The following MPP7 variants were observed in gnomAD, a reference collection of about 807,000 sequenced individuals.
MPP7 encodes MAGUK p55 scaffold protein 7.
In MPP7, 60 loss-of-function variants were observed where a neutral mutation model predicts 76.5. The observed-to-expected ratio is 0.78, with a 90% CI of 0.64 to 0.97. The LOEUF (loss-of-function observed/expected upper bound fraction) is 0.97. Among genes scored for constraint, MPP7 ranks in the 50% least tolerant of loss-of-function variants. The pLI, the probability that MPP7 is intolerant of heterozygous loss-of-function variation, is 0.00. For missense variants in MPP7, 641 were observed against 694.0 expected, an observed-to-expected ratio of 0.92 and a Z score of 0.86; for synonymous variants, 237 against 244.5, an observed-to-expected ratio of 0.97 and a Z score of 0.29.
rs770824217 is a variant in MPP7, at chr10:28,051,494, T to C, written c.*2571A>G. ...AATAATAGGAGTACAGAATTTACTT[T>C]TTGGTCTTGATTTTTAAATATATGA... On this transcript the variant is annotated 3_prime_UTR_variant, in exon 17 of 17. Transcript: ENST00000683449. 4 of 152,164 alleles carry C rather than the reference T, an allele frequency of 2.6e-5. No individual in the cohort carries two copies. The highest frequency in any genetic ancestry group is 4.4e-5 in the Non-Finnish European group (3 of 68,034). The allele number at this position is 152,164 out of a possible 1,614,324, so 9.4% of individuals were successfully genotyped here.
Position 28,315,014 on chromosome 10 carries a change from G to C in MPP7, c.-132+14915C>G, listed in dbSNP as rs190993987. On this transcript the variant is annotated intron_variant, in intron 2 of 11. Coordinates refer to the MPP7 transcript ENST00000441595. Reference sequence around the variant, plus strand: ...AATATAAAAATTAGCCAGGTGTGGTGGTACACACCTGTAGAACCAGCTACC... The same window carrying C: ...AATATAAAAATTAGCCAGGTGTGGTCGTACACACCTGTAGAACCAGCTACC... Among the ~76,000 whole-genome samples, 1,255 of 151,944 alleles carry C rather than the reference G, an allele frequency of 8.3e-3. 18 individuals carry two copies. Among genetic ancestry groups the C allele is most frequent in the African/African-American group, 0.029 (1,186 of 41,412 alleles).
intron 2 of MPP7, among the ~76,000 whole-genome samples, chr10:28,315,285 G>A (rs1246622524): frequency 6.9e-6 from 1 of 145,090 alleles, no homozygotes; most frequent in Non-Finnish European, 1.5e-5. Context: ...AAGGAGGGGG[G>A]AGGGAGAGAG....
intron 1 of MPP7, among the ~76,000 whole-genome samples, chr10:28,267,715 G>A (rs868143175): frequency 6.6e-6 from 1 of 151,918 alleles, no homozygotes; most frequent in South Asian, 2.1e-4. Context: ...GATCAACATG[G>A]TAAAAGAAAA....
upstream of MPP7, among the ~76,000 whole-genome samples, chr10:28,335,184 G>C (rs1309856592): frequency 1.3e-5 from 2 of 152,234 alleles, no homozygotes; most frequent in Non-Finnish European, 2.9e-5. Flanking sequence ...CTTTCTCCCA[G>C]AGGGAGTAAT....
rs890315569 is a variant in MPP7 at position 28,051,980 on chromosome 10, G to A, written c.*2085C>T. 2.0e-5 allele frequency: 3 copies of A among 150,964 alleles called. No individual in the cohort carries two copies. Among genetic ancestry groups the A allele is most frequent in the Non-Finnish European group, 2.9e-5 (2 of 67,876 alleles). The allele number at this position is 150,964 out of a possible 1,614,324, so 9.4% of individuals were successfully genotyped here. A position where few individuals can be genotyped will look rare whatever the true frequency, so the allele number is the denominator to read the frequency against. On this transcript the variant is annotated 3_prime_UTR_variant, in exon 17 of 17. Coordinates refer to ENST00000683449, the MANE Select transcript of MPP7 (RefSeq NM_001318170.2). ...TTAAAAAATATTGTTCTAGCTCTGC[G>A]CTTAAGGTCTGGACCTTTCTTTTTT...
rs1255270501 is a variant in MPP7 at position 28,166,484 on chromosome 10, C to T, written c.157-16425G>A. On this transcript the variant is annotated intron_variant, in intron 3 of 16. Transcript: ENST00000683449. Reference sequence around the variant, plus strand: ...GTGCAGTGGTGCAATCTCGGCTCACCGCAACCTCCACCTCCCAGGTTCAAG... The same window carrying T: ...GTGCAGTGGTGCAATCTCGGCTCACTGCAACCTCCACCTCCCAGGTTCAAG... Among the ~76,000 whole-genome samples the T allele has an allele frequency of 4.0e-5, 6 of 149,970 alleles. No homozygotes were observed. The South Asian group carries it at 6.4e-4, about 16-fold the overall frequency.
At chr10:28,208,985 G>C (rs941295129) in intron 2 of MPP7, among the ~76,000 whole-genome samples, 3 of 151,976 alleles carry the variant, frequency 2.0e-5, no homozygotes, top group African/African-American at 7.2e-5. Context: ...AGACCTGTTT[G>C]TTTAAGTGTG....
intron 3 of MPP7, among the ~76,000 whole-genome samples, chr10:28,166,024 A>ATT (rs1234494587): frequency 9.9e-5 from 2 of 20,114 alleles, no homozygotes; most frequent in Non-Finnish European, 3.5e-4. Context: ...GACTCATCTC[A>ATT]AAAAAAAAAA....
chr10:28,299,756 A>C (rs1032751411), intron 1 of MPP7, among the ~76,000 whole-genome samples: 8 of 150,490 alleles, frequency 5.3e-5, no homozygotes, highest in Non-Finnish European at 1.0e-4. Context: ...TCATTTAACA[A>C]AATTCAAGAC....
intron 5 of MPP7, among the ~76,000 whole-genome samples, chr10:28,135,784 T>C (rs1234837068): frequency 6.6e-6 from 1 of 152,114 alleles, no homozygotes; most frequent in Admixed American, 6.5e-5. Flanking sequence ...AAAATAAGCC[T>C]CTGAAAGATC....
chr10:28,067,838 A>G (rs78619443), intron 13 of MPP7, among the ~76,000 whole-genome samples: 1 of 152,276 alleles, frequency 6.6e-6, no homozygotes, highest in East Asian at 1.9e-4. Flanking sequence ...GCTAGTGTTA[A>G]TATAGGAGGA....
intron 11 of MPP7, among the ~76,000 whole-genome samples, chr10:28,110,178 C>T (rs1174409491): frequency 2.0e-5 from 3 of 151,752 alleles, no homozygotes; most frequent in Non-Finnish European, 4.4e-5. Flanking sequence ...GCAACCTCCG[C>T]TCCTGAGTTC....
At chr10:28,185,882 T>A (rs1464447847) in intron 3 of MPP7, among the ~76,000 whole-genome samples, 1 of 152,228 alleles carries the variant, frequency 6.6e-6, no homozygotes, top group Non-Finnish European at 1.5e-5. Flanking sequence ...GTTTTCCTTA[T>A]GCAGAATGTG....
At position 28,264,737 on chromosome 10, in the gene MPP7, T is replaced by C. The variant is rs77312227; in HGVS notation, c.-131-26002A>G. Among the ~76,000 whole-genome samples, 145 of 152,174 alleles carry C rather than the reference T, an allele frequency of 9.5e-4. 1 individual carries two copies. Among genetic ancestry groups the C allele is most frequent in the East Asian group, 2.5e-3 (13 of 5,174 alleles). ...ATGTGAAGGAAACTGTTTATTACAG[T>C]TGGGATAAAATAAAAGGTAAGTGTT... On this transcript the variant is annotated intron_variant, in intron 1 of 16. Transcript: ENST00000683449.
chr10:28,298,857 AC>A (rs1463037581), intron 1 of MPP7, among the ~76,000 whole-genome samples: 1 of 152,174 alleles, frequency 6.6e-6, no homozygotes, highest in Admixed American at 6.5e-5. Flanking sequence ...TTGCTGCTTC[AC>A]CTTGCACTTT....
intron 11 of MPP7, among the ~76,000 whole-genome samples, chr10:28,116,735 T>C (rs1588795210): frequency 1.3e-5 from 2 of 152,232 alleles, no homozygotes; most frequent in South Asian, 4.1e-4. Context: ...AGAGGTCATG[T>C]TTTAGTTTTC....
intron 2 of MPP7, among the ~76,000 whole-genome samples, chr10:28,216,200 A>C (rs989327823): frequency 2.0e-5 from 3 of 151,862 alleles, no homozygotes; most frequent in African/African-American, 7.3e-5. Context: ...CAACATAGCA[A>C]GACCCCGTTT....
chr10:28,244,853 T>C (rs948404401), intron 1 of MPP7, among the ~76,000 whole-genome samples: 21 of 152,270 alleles, frequency 1.4e-4, no homozygotes, highest in African/African-American at 4.8e-4. Flanking sequence ...AACCGCCCCT[T>C]CTCTGCAAGC....
At chr10:28,269,649 C>T (rs1840259403) in intron 1 of MPP7, among the ~76,000 whole-genome samples, 1 of 151,718 alleles carries the variant, frequency 6.6e-6, no homozygotes, top group Non-Finnish European at 1.5e-5. Flanking sequence ...AGCTCAGTCT[C>T]CCAAGTAGCT....
Sources: allele counts gnomAD v4.1 joint callset (sites outside exome capture counted in the v4.1 genomes callset), GRCh38; gene constraint gnomAD v4.1.1; transcripts MANE v1.5; gene names NCBI Gene and HGNC (gene_info 2026-07-23, HGNC 2026-07-21).